MCTP2: variants seen among roughly 807,000 people sequenced by gnomAD.
MCTP2 encodes multiple C2 and transmembrane domain containing 2.
In MCTP2, 132 loss-of-function variants were observed where a neutral mutation model predicts 111.6. The ratio of observed to expected loss-of-function variants is 1.18; its 90% CI spans 1.03 to 1.37. The LOEUF (loss-of-function observed/expected upper bound fraction) is 1.37. MCTP2 is among the 40% of genes most tolerant of loss of function. MCTP2 has a pLI of 0.00. For synonymous variants in MCTP2, 395 were observed against 387.7 expected (o/e 1.02, Z -0.22); for missense variants, 1,183 against 1,067.9 (o/e 1.11, Z -1.50).
intron 7 of MCTP2, among the ~76,000 whole-genome samples, chr15:94,344,554 C>G (rs547572894): frequency 3.7e-4 from 56 of 152,244 alleles, no homozygotes; most frequent in African/African-American, 1.3e-3. Flanking sequence ...CAGAAGAGAA[C>G]AGTGGTGAAG....
intron 21 of MCTP2, among the ~76,000 whole-genome samples, chr15:94,471,461 C>A (rs570961357): frequency 6.6e-6 from 1 of 152,160 alleles, no homozygotes; most frequent in African/African-American, 2.4e-5. Context: ...AAAGTAGAAT[C>A]CTGCTGTCAA....
intron 1 of MCTP2, among the ~76,000 whole-genome samples, chr15:94,253,798 G>T (rs1247348325): frequency 6.6e-6 from 1 of 150,812 alleles, no homozygotes; most frequent in African/African-American, 2.4e-5. Context: ...TAATTCTACT[G>T]CAGTATCACA....
chr15:94,245,082 A>G (rs2071701866), intron 1 of MCTP2, among the ~76,000 whole-genome samples: 2 of 149,970 alleles, frequency 1.3e-5, no homozygotes, highest in South Asian at 4.2e-4. Context: ...ACGTATATGT[A>G]TACACATACA....
At chr15:94,263,779 T>C (rs1182832920) in intron 1 of MCTP2, among the ~76,000 whole-genome samples, 1 of 152,244 alleles carries the variant, frequency 6.6e-6, no homozygotes, top group Non-Finnish European at 1.5e-5. Flanking sequence ...GTAGAGTGAT[T>C]CACATTTTTT....
At chr15:94,235,893 G>T (rs1207405007) in intron 1 of MCTP2, among the ~76,000 whole-genome samples, 1 of 152,218 alleles carries the variant, frequency 6.6e-6, no homozygotes, top group Non-Finnish European at 1.5e-5. Context: ...GATTGCTTGG[G>T]ATGTGCCTGT....
At chr15:94,468,924 A>G (rs143650140) in intron 20 of MCTP2, among the ~76,000 whole-genome samples, 3 of 152,274 alleles carry the variant, frequency 2.0e-5, no homozygotes, top group Non-Finnish European at 2.9e-5. Flanking sequence ...CACCATGCCC[A>G]GCCTCAGTCT....
chr15:94,464,802 A>G (rs540832607), intron 20 of MCTP2, among the ~76,000 whole-genome samples: 40 of 152,046 alleles, frequency 2.6e-4, no homozygotes, highest in Non-Finnish European at 5.3e-4. Context: ...ATTTCCAAGT[A>G]TATGGAGATT....
chr15:94,434,291 T>G (rs2083346661), intron 17 of MCTP2, among the ~76,000 whole-genome samples: 1 of 152,004 alleles, frequency 6.6e-6, no homozygotes, highest in African/African-American at 2.4e-5. Flanking sequence ...TTGCCCAGGC[T>G]GGTCTCAAAC....
intron 1 of MCTP2, among the ~76,000 whole-genome samples, chr15:94,250,969 A>C (rs2072375934): frequency 6.6e-6 from 1 of 152,238 alleles, no homozygotes; most frequent in African/African-American, 2.4e-5. Context: ...ATTGATATCT[A>C]TACTGACATA....
chr15:94,287,394 T>C (rs1166415873), intron 1 of MCTP2, among the ~76,000 whole-genome samples: 3 of 152,202 alleles, frequency 2.0e-5, no homozygotes, highest in Non-Finnish European at 4.4e-5. Flanking sequence ...ATTGGAGAAG[T>C]GACATTTTCA....
At chr15:94,410,784 T>C (rs909218474) in intron 17 of MCTP2, among the ~76,000 whole-genome samples, 3 of 152,244 alleles carry the variant, frequency 2.0e-5, no homozygotes, top group Admixed American at 2.0e-4. Context: ...GTGCTAGAAC[T>C]AGTGAAAATC....
intron 1 of MCTP2, among the ~76,000 whole-genome samples, chr15:94,260,996 G>A (rs540621437): frequency 2.6e-4 from 40 of 152,074 alleles, no homozygotes; most frequent in Non-Finnish European, 5.1e-4. Flanking sequence ...TGAAACCTTG[G>A]TGTCCACAAC....
At chr15:94,362,467 T>C (rs1209512562) in intron 10 of MCTP2, among the ~76,000 whole-genome samples, 1 of 152,180 alleles carries the variant, frequency 6.6e-6, no homozygotes, top group Non-Finnish European at 1.5e-5. Context: ...CAGTCCCAGA[T>C]GGTGCTGTAT....
intron 1 of MCTP2, among the ~76,000 whole-genome samples, chr15:94,279,918 C>T (rs1362474797): frequency 6.6e-6 from 1 of 152,136 alleles, no homozygotes; most frequent in African/African-American, 2.4e-5. Flanking sequence ...TATTGATTTG[C>T]ATACTTTGAA....
intron 21 of MCTP2, among the ~76,000 whole-genome samples, chr15:94,471,983 G>C (rs1381175586): frequency 6.6e-6 from 1 of 152,168 alleles, no homozygotes; most frequent in Non-Finnish European, 1.5e-5. Context: ...GTTCATGTAA[G>C]TTGAGTGCCA....
chr15:94,460,108 G>A (rs1023195748), intron 20 of MCTP2, among the ~76,000 whole-genome samples: 2 of 152,174 alleles, frequency 1.3e-5, no homozygotes, highest in Non-Finnish European at 2.9e-5. Context: ...CAATGAGGGA[G>A]AAACAGAGTA....
chr15:94,399,086 C>A, intron 15 of MCTP2, 24 bp downstream of exon 15: 1 of 1,155,946 alleles, frequency 8.7e-7, no homozygotes, highest in South Asian at 1.2e-5. Flanking sequence ...GGTCATACTT[C>A]CCGGCTTTCC....
chr15:94,304,532 C>A (rs1221719600), intron 2 of MCTP2, among the ~76,000 whole-genome samples: 2 of 152,208 alleles, frequency 1.3e-5, no homozygotes, highest in South Asian at 2.1e-4. Flanking sequence ...AAAGTCAAAT[C>A]ATAATCAATG....
At chr15:94,443,045 C>A in intron 19 of MCTP2, 85 bp downstream of exon 19, 12 of 849,422 alleles carry the variant, frequency 1.4e-5, no homozygotes, top group Non-Finnish European at 1.8e-5. Context: ...TCTCTCTCCT[C>A]TCTTTTTTTT....
Sources: gnomAD v4.1 joint callset for allele counts (sites outside exome capture counted in the v4.1 genomes callset) on GRCh38, gnomAD v4.1.1 for gene constraint, MANE v1.5 for transcripts, NCBI Gene and HGNC (gene_info 2026-07-23, HGNC 2026-07-21) for gene names.